The following GALNT13 variants were observed in gnomAD, a reference collection of about 807,000 sequenced individuals.
GALNT13 encodes the protein UDP-GalNAc:polypeptide N-acetylgalactosaminyltransferase 13.
GALNT13 carries 28 observed loss-of-function variants against 64.2 expected under a neutral mutation model. The ratio of observed to expected loss-of-function variants is 0.44; its 90% CI spans 0.32 to 0.60. The LOEUF (loss-of-function observed/expected upper bound fraction) is 0.60, where lower values mean the gene tolerates loss of function less well. GALNT13 is among the 20% of genes least tolerant of loss of function. The pLI is 0.05. For synonymous variants in GALNT13, 214 were observed against 224.6 expected, an observed-to-expected ratio of 0.95 and a Z score of 0.42; for missense variants, 577 against 669.8, an observed-to-expected ratio of 0.86 and a Z score of 1.53.
the GALNT13 span, among the ~76,000 whole-genome samples, chr2:153,535,921 A>G: frequency 0.58 from 88,595 of 151,824 alleles, 28,839 homozygotes; most frequent in African/African-American, 0.86. Context: ...AAATGACTGC[A>G]GTGGCCTTCT....
At chr2:153,599,793 G>A in the GALNT13 span, among the ~76,000 whole-genome samples, 1 of 151,884 alleles carries the variant, frequency 6.6e-6, no homozygotes, top group Non-Finnish European at 1.5e-5. Flanking sequence ...TGGTGTATCT[G>A]AAAAAACATA....
intron 3 of GALNT13, among the ~76,000 whole-genome samples, chr2:154,123,291 T>G (rs1682062613): frequency 1.3e-5 from 2 of 151,988 alleles, no homozygotes; most frequent in Non-Finnish European, 2.9e-5. Flanking sequence ...ATTTTTTTGT[T>G]CATGTGGACA....
chr2:154,455,192 AT>A (rs1351692925), downstream of GALNT13, among the ~76,000 whole-genome samples: 1 of 152,152 alleles, frequency 6.6e-6, no homozygotes, highest in Non-Finnish European at 1.5e-5. Flanking sequence ...TTAGGATCAT[AT>A]TCTGAATTAG....
chr2:153,539,960 A>C, the GALNT13 span, among the ~76,000 whole-genome samples: 1 of 152,172 alleles, frequency 6.6e-6, no homozygotes, highest in East Asian at 1.9e-4. Flanking sequence ...GAAAAGAAAA[A>C]CCCATTTTCT....
chr2:154,034,556 TTAAA>T (rs1375502525), intron 3 of GALNT13, among the ~76,000 whole-genome samples: 2 of 140,114 alleles, frequency 1.4e-5, no homozygotes, highest in East Asian at 3.9e-4. Context: ...GTCGTACTCA[TTAAA>T]TAATTTCTCA....
chr2:153,100,923 G>T, the GALNT13 span, among the ~76,000 whole-genome samples: 1 of 152,060 alleles, frequency 6.6e-6, no homozygotes, highest in Non-Finnish European at 1.5e-5. Flanking sequence ...CGCCTACTTG[G>T]GAGGCTGAGC....
chr2:153,857,622 T>C, the GALNT13 span, among the ~76,000 whole-genome samples: 1 of 152,228 alleles, frequency 6.6e-6, no homozygotes, highest in Non-Finnish European at 1.5e-5. Context: ...GAAAAATCTT[T>C]GCATATTTAT....
the GALNT13 span, among the ~76,000 whole-genome samples, chr2:153,299,773 C>T: frequency 4.6e-5 from 7 of 152,122 alleles, no homozygotes; most frequent in East Asian, 1.9e-4. Flanking sequence ...CACAGTTGCT[C>T]GTTGGCATTG....
At chr2:153,697,973 G>C in the GALNT13 span, among the ~76,000 whole-genome samples, 1 of 152,150 alleles carries the variant, frequency 6.6e-6, no homozygotes, top group Non-Finnish European at 1.5e-5. Flanking sequence ...TTTAAAGCCA[G>C]AATTTCATAT....
intron 3 of GALNT13, among the ~76,000 whole-genome samples, chr2:153,954,991 GT>G (rs1558872925): frequency 6.6e-6 from 1 of 150,748 alleles, no homozygotes. Context: ...CTGACTTCGG[GT>G]AAAAAAAAAA....
the GALNT13 span, among the ~76,000 whole-genome samples, chr2:153,436,812 T>C: frequency 6.6e-6 from 1 of 152,230 alleles, no homozygotes; most frequent in South Asian, 2.1e-4. Context: ...CGGTTTTTCA[T>C]GTCTCTATTT....
At chr2:153,814,301 G>A in the GALNT13 span, among the ~76,000 whole-genome samples, 2 of 152,096 alleles carry the variant, frequency 1.3e-5, no homozygotes, top group Middle Eastern at 3.2e-3. Context: ...TTAACTGGGC[G>A]CGGTGGCGGG....
chr2:153,978,683 C>A (rs1694242653), intron 3 of GALNT13, among the ~76,000 whole-genome samples: 1 of 152,316 alleles, frequency 6.6e-6, no homozygotes, highest in African/African-American at 2.4e-5. Context: ...TCATGTGGAA[C>A]TTGAAGTCCA....
chr2:154,069,331 AT>A (rs1162225441), intron 3 of GALNT13, among the ~76,000 whole-genome samples: 2 of 152,090 alleles, frequency 1.3e-5, no homozygotes, highest in East Asian at 1.9e-4. Context: ...ATTAAAAAAA[AT>A]AACTGTACTG....
chr2:153,253,601 G>T, the GALNT13 span, among the ~76,000 whole-genome samples: 1 of 150,212 alleles, frequency 6.7e-6, no homozygotes. Context: ...TATTGGCTGT[G>T]GGTCTGTCAT....
chr2:153,528,464 A>G, the GALNT13 span, among the ~76,000 whole-genome samples: 3 of 151,914 alleles, frequency 2.0e-5, no homozygotes, highest in African/African-American at 7.2e-5. Context: ...AGACTCCAAT[A>G]CAGTAATATC....
the GALNT13 span, among the ~76,000 whole-genome samples, chr2:153,714,926 G>A: frequency 6.6e-6 from 1 of 152,152 alleles, no homozygotes; most frequent in African/African-American, 2.4e-5. Context: ...ACTGCCATAA[G>A]CTGTTGAGAG....
chr2:153,361,330 C>T, the GALNT13 span, among the ~76,000 whole-genome samples: 1 of 152,042 alleles, frequency 6.6e-6, no homozygotes, highest in African/African-American at 2.4e-5. Context: ...ATCACAACAC[C>T]TCTCCAGCGA....
the GALNT13 span, among the ~76,000 whole-genome samples, chr2:153,405,995 A>G: frequency 3.3e-5 from 5 of 152,198 alleles, no homozygotes; most frequent in Admixed American, 2.0e-4. Flanking sequence ...AACAAGCAAA[A>G]GTAGTACTTC....
Sources: allele counts gnomAD v4.1 joint callset (sites outside exome capture counted in the v4.1 genomes callset), GRCh38; gene constraint gnomAD v4.1.1; transcripts MANE v1.5; gene names NCBI Gene and HGNC (gene_info 2026-07-23, HGNC 2026-07-21).